The following THUMPD2 variants were observed in gnomAD, a reference collection of about 807,000 sequenced individuals.
THUMPD2 encodes the protein U6 snRNA (guanine-N(2))-methyltransferase THUMPD2.
Under a neutral mutation model 49.4 loss-of-function variants are expected in THUMPD2, and 56 were observed. That is an observed-to-expected ratio of 1.13 (90% CI 0.91 to 1.41). The LOEUF is 1.41. Among genes scored for constraint, THUMPD2 ranks in the 40% most tolerant of loss-of-function variants. THUMPD2 has a pLI of 0.00. For missense variants in THUMPD2, 709 were observed against 594.5 expected (o/e 1.19, Z -2.00); for synonymous variants, 237 against 205.2 (o/e 1.15, Z -1.32).
chr2:39,745,185 A>AT (rs1323140365), intron 8 of THUMPD2, among the ~76,000 whole-genome samples: 1 of 152,176 alleles, frequency 6.6e-6, no homozygotes, highest in Non-Finnish European at 1.5e-5. Flanking sequence ...TTAAATACTC[A>AT]TAAGACAGAT....
chr2:39,737,857 G>C (rs1673328981), intron 9 of THUMPD2, among the ~76,000 whole-genome samples: 1 of 152,212 alleles, frequency 6.6e-6, no homozygotes, highest in Non-Finnish European at 1.5e-5. Context: ...GGAGGAAGTG[G>C]AGAGGAGGCA....
Position 39,736,618 on chromosome 2 carries a change from T to C in THUMPD2, c.*117A>G. Reference sequence around the variant, plus strand: ...TACCCATCAGCCACACCTCCTGTCTTTGGGGGAATTTGGTTACTTGGAGCT... The same window carrying C: ...TACCCATCAGCCACACCTCCTGTCTCTGGGGGAATTTGGTTACTTGGAGCT... On this transcript the variant is annotated 3_prime_UTR_variant, in exon 10 of 10. Coordinates refer to ENST00000505747, the MANE Select transcript of THUMPD2 (RefSeq NM_025264.5). 1 of 851,960 alleles carries C rather than the reference T, an allele frequency of 1.2e-6. No homozygotes were observed. The highest frequency in any genetic ancestry group is 2.9e-5 in the Admixed American group (1 of 34,750). 52.8% of individuals were successfully genotyped at this position (851,960 alleles called of 1,614,324 possible).
intron 5 of THUMPD2, among the ~76,000 whole-genome samples, chr2:39,762,273 T>C (rs1299309371): frequency 1.3e-5 from 2 of 152,178 alleles, no homozygotes; most frequent in Non-Finnish European, 1.5e-5. Flanking sequence ...TCTACGAACA[T>C]TACGGAAAGC....
At chr2:39,746,401 A>T (rs1201564524) in intron 8 of THUMPD2, among the ~76,000 whole-genome samples, 1 of 152,150 alleles carries the variant, frequency 6.6e-6, no homozygotes, top group African/African-American at 2.4e-5. Flanking sequence ...TCTTTGTAAA[A>T]CAGATTGTTG....
rs1444261231 is a variant in THUMPD2, at chr2:39,736,616, CTTTGGGGGAA to C, written c.*109_*118del. 9 of 856,662 alleles carry C rather than the reference CTTTGGGGGAA, an allele frequency of 1.1e-5. No homozygotes were observed. Among genetic ancestry groups the C allele is most frequent in the Non-Finnish European group, 1.4e-5 (8 of 567,726 alleles). 53.1% of individuals were successfully genotyped at this position (856,662 alleles called of 1,614,324 possible). ...TGTACCCATCAGCCACACCTCCTGT[CTTTGGGGGAA>C]TTTGGTTACTTGGAGCTCTGTGGGT... On this transcript the variant is annotated 3_prime_UTR_variant, in exon 10 of 10. Coordinates refer to ENST00000505747, the MANE Select transcript of THUMPD2 (RefSeq NM_025264.5).
intron 1 of THUMPD2, among the ~76,000 whole-genome samples, chr2:39,772,416 TA>T (rs1678457040): frequency 6.6e-6 from 1 of 152,196 alleles, no homozygotes; most frequent in African/African-American, 2.4e-5. Flanking sequence ...AGAAGAGGCA[TA>T]AAGGACTGAG....
At chr2:39,774,127 G>A (rs1678751697) in intron 1 of THUMPD2, among the ~76,000 whole-genome samples, 1 of 152,206 alleles carries the variant, frequency 6.6e-6, no homozygotes, top group African/African-American at 2.4e-5. Context: ...AGTGTGCCAG[G>A]CAATGGGATG....
intron 3 of THUMPD2, chr2:39,768,868 T>A (rs990364192): frequency 5.6e-5 from 72 of 1,286,420 alleles, no homozygotes; most frequent in Non-Finnish European, 7.2e-5. Flanking sequence ...CCTATGTGTT[T>A]AAAAATTATC....
intron 6 of THUMPD2, among the ~76,000 whole-genome samples, chr2:39,761,029 C>CT (rs1676749753): frequency 6.6e-6 from 1 of 152,036 alleles, no homozygotes; most frequent in South Asian, 2.1e-4. Context: ...CAGACAAAAA[C>CT]TTTAAGAATA....
At chr2:39,748,347 A>AT (rs923421142) in intron 8 of THUMPD2, among the ~76,000 whole-genome samples, 10 of 152,018 alleles carry the variant, frequency 6.6e-5, no homozygotes, top group South Asian at 2.1e-4. Context: ...ATGCAGAAGC[A>AT]TTTTTTTTGC....
At chr2:39,755,763 A>AGTAT in intron 7 of THUMPD2, 126 bp downstream of exon 7, 3 of 545,764 alleles carry the variant, frequency 5.5e-6, no homozygotes, top group Non-Finnish European at 8.8e-6. Flanking sequence ...ATTTTGAGTA[A>AGTAT]ATAATAACTC....
chr2:39,770,039 G>T lies in THUMPD2; in HGVS notation c.343C>A (p.Leu115Ile). The T allele has an allele frequency of 1.3e-6, 2 of 1,571,228 alleles. No individual in the cohort carries two copies. The highest frequency in any genetic ancestry group is 1.7e-6 in the Non-Finnish European group (2 of 1,168,282). The change falls in exon 3 of 10, where the codon CTT becomes ATT. Residue 115 changes from leucine (L) to isoleucine (I), a missense_variant. Physicochemically the swap from Leu to Ile is conservative, Grantham distance 5. Coordinates refer to ENST00000505747, the MANE Select transcript of THUMPD2 (RefSeq NM_025264.5). Reference protein sequence around the residue: ...WLNAISIWKNLLELDAKKEKL... With the variant: ...WLNAISIWKNILELDAKKEKL... ...TCCTTTTTTGCATCAAGTTCAAGAAGATTTTTCCAAATTGAAATGGCATTC... is the reference window on the plus strand; with the variant it reads ...TCCTTTTTTGCATCAAGTTCAAGAATATTTTTCCAAATTGAAATGGCATTC...
rs957789906 is a variant in THUMPD2, at chr2:39,737,051, T to A, written c.1196A>T (p.His399Leu). ...SILQEMERVL[H>L]VGGTIVLLLS... Reference sequence around the variant, plus strand: ...CAACAATACAATGGTTCCGCCAACATGAAGCACTCTGTGACAAAAAAAAAA... The same window carrying A: ...CAACAATACAATGGTTCCGCCAACAAGAAGCACTCTGTGACAAAAAAAAAA... Residue 399 changes from histidine to leucine, a missense_variant, in exon 10 of 10, where the codon CAT becomes CTT. By Grantham distance (99) the His-to-Leu change is moderately conservative. Transcript: ENST00000505747. 1.2e-6 allele frequency: 2 copies of A among 1,601,506 alleles called. No individual in the cohort carries two copies.
chr2:39,740,171 CAT>C (rs1000680154), intron 9 of THUMPD2, among the ~76,000 whole-genome samples: 4 of 152,018 alleles, frequency 2.6e-5, no homozygotes, highest in African/African-American at 9.7e-5. Context: ...GGTGCTTGGT[CAT>C]ATAGTTAAGT....
chr2:39,755,416 G>A lies in THUMPD2; in HGVS notation c.964-7C>T. 2.7e-6 allele frequency: 4 copies of A among 1,502,732 alleles called. No individual in the cohort carries two copies. Among genetic ancestry groups the A allele is most frequent in the East Asian group, 4.8e-5 (2 of 41,278 alleles). The allele number at this position is 1,502,732 out of a possible 1,614,324, so 93.1% of individuals were successfully genotyped here. A position where few individuals can be genotyped will look rare whatever the true frequency, so the allele number is the denominator to read the frequency against. On this transcript the variant is annotated splice_region_variant and splice_polypyrimidine_tract_variant and intron_variant, in intron 7 of 9. Coordinates refer to ENST00000505747, the MANE Select transcript of THUMPD2 (RefSeq NM_025264.5). ...CACCTACATAATACACATCCTATGG[G>A]GAAATAAATATTTTAAGCATAAATA...
At chr2:39,758,785 TAAAA>T (rs372395566) in intron 6 of THUMPD2, among the ~76,000 whole-genome samples, 3 of 123,220 alleles carry the variant, frequency 2.4e-5, no homozygotes, top group Non-Finnish European at 1.8e-5. Context: ...ATGGCACATC[TAAAA>T]AAAAAAAAAA....
chr2:39,739,278 T>C (rs1047609653), intron 9 of THUMPD2, among the ~76,000 whole-genome samples: 1 of 152,182 alleles, frequency 6.6e-6, no homozygotes, highest in African/African-American at 2.4e-5. Flanking sequence ...TGTCACTGCC[T>C]GCTTTCTTTG....
intron 8 of THUMPD2, among the ~76,000 whole-genome samples, chr2:39,748,686 CA>C (rs919480707): frequency 2.1e-5 from 3 of 145,342 alleles, no homozygotes; most frequent in African/African-American, 5.1e-5. Flanking sequence ...GAGTCTGTCT[CA>C]AAAAAAAACA....
At chr2:39,768,036 A>G (rs558076714) in intron 4 of THUMPD2, among the ~76,000 whole-genome samples, 84 of 152,318 alleles carry the variant, frequency 5.5e-4, no homozygotes, top group South Asian at 2.1e-3. Context: ...GCCACTATTA[A>G]CATACTATTG....
Sources: allele counts gnomAD v4.1 joint callset (sites outside exome capture counted in the v4.1 genomes callset), GRCh38; gene constraint gnomAD v4.1.1; transcripts MANE v1.5; gene names NCBI Gene and HGNC (gene_info 2026-07-23, HGNC 2026-07-21).